Variants in SHISA9 observed in about 807,000 individuals in gnomAD.
SHISA9 encodes protein shisa-9.
A neutral mutation model predicts 38.0 loss-of-function variants in SHISA9; 13 were observed. That is an observed-to-expected ratio of 0.34 (90% CI 0.22 to 0.54). The LOEUF is 0.54. Ranked by LOEUF, SHISA9 falls within the 20% of genes least tolerant of loss-of-function variation. The pLI is 0.91. For synonymous variants in SHISA9, 275 were observed against 242.0 expected (o/e 1.14, Z -1.27); for missense variants, 538 against 575.8 (o/e 0.93, Z 0.67).
At chr16:12,975,650 C>G (rs566435327) in intron 2 of SHISA9, among the ~76,000 whole-genome samples, 12 of 8,168 alleles carry the variant, frequency 1.5e-3, no homozygotes, top group Admixed American at 4.0e-3. Context: ...TGGGGTGGGA[C>G]GGGGGCGGGG....
At chr16:13,187,403 C>T (rs1413491879) in intron 2 of SHISA9, among the ~76,000 whole-genome samples, 2 of 142,770 alleles carry the variant, frequency 1.4e-5, no homozygotes, top group African/African-American at 5.2e-5. Flanking sequence ...GGCACAATCT[C>T]AGCTCACTGC....
At chr16:13,154,403 A>C (rs1479905363) in intron 2 of SHISA9, among the ~76,000 whole-genome samples, 2 of 152,186 alleles carry the variant, frequency 1.3e-5, no homozygotes, top group Admixed American at 6.5e-5. Context: ...AGGTGAGCAG[A>C]AATGTAGCGG....
intron 2 of SHISA9, among the ~76,000 whole-genome samples, chr16:12,951,856 A>C (rs1596546350): frequency 6.6e-6 from 1 of 152,112 alleles, no homozygotes; most frequent in Admixed American, 6.5e-5. Context: ...AGTATGAAAC[A>C]CTCCTGCCTC....
intron 2 of SHISA9, among the ~76,000 whole-genome samples, chr16:13,006,673 A>C (rs1272737071): frequency 1.3e-5 from 2 of 152,234 alleles, no homozygotes; most frequent in African/African-American, 4.8e-5. Context: ...ACTGTATTAG[A>C]CATTGTGACA....
At chr16:13,533,815 G>A in the SHISA9 span, among the ~76,000 whole-genome samples, 2 of 134,156 alleles carry the variant, frequency 1.5e-5, no homozygotes, top group Non-Finnish European at 3.1e-5. Context: ...ACAGAGTCTC[G>A]CTGTATCGCC....
At chr16:12,970,344 CATATATGTGTATATATATATAT>C (rs2072041497) in intron 2 of SHISA9, among the ~76,000 whole-genome samples, 1 of 49,768 alleles carries the variant, frequency 2.0e-5, no homozygotes, top group African/African-American at 7.4e-5. Flanking sequence ...TATATATATA[CATATATGTGTATATATATATAT>C]ATACATATAT....
At chr16:13,340,874 C>T in the SHISA9 span, among the ~76,000 whole-genome samples, 1 of 152,192 alleles carries the variant, frequency 6.6e-6, no homozygotes, top group African/African-American at 2.4e-5. Context: ...ACTCTCCACT[C>T]CACTCTCTTT....
chr16:13,327,037 A>T, the SHISA9 span, among the ~76,000 whole-genome samples: 1 of 152,340 alleles, frequency 6.6e-6, no homozygotes, highest in South Asian at 2.1e-4. Flanking sequence ...TAGGTGTTGA[A>T]CAGTGTGATA....
chr16:13,522,893 C>G, the SHISA9 span, among the ~76,000 whole-genome samples: 51 of 152,132 alleles, frequency 3.4e-4, no homozygotes, highest in Non-Finnish European at 6.9e-4. Flanking sequence ...TGCAATTCAG[C>G]CCCTGTTATA....
At chr16:13,410,174 T>C in the SHISA9 span, among the ~76,000 whole-genome samples, 3,462 of 152,336 alleles carry the variant, frequency 0.023, 136 homozygotes, top group African/African-American at 0.079. Context: ...AACAAAGCTT[T>C]GAAGTTGATT....
At chr16:12,924,803 A>C (rs1321093442) in intron 2 of SHISA9, among the ~76,000 whole-genome samples, 1 of 152,150 alleles carries the variant, frequency 6.6e-6, no homozygotes, top group African/African-American at 2.4e-5. Flanking sequence ...GGGGACACAG[A>C]CTTGAGGGGT....
At chr16:13,464,623 T>G in the SHISA9 span, among the ~76,000 whole-genome samples, 1 of 152,208 alleles carries the variant, frequency 6.6e-6, no homozygotes, top group Non-Finnish European at 1.5e-5. Flanking sequence ...ACCACTGATT[T>G]GCTTTCCCTG....
intron 2 of SHISA9, among the ~76,000 whole-genome samples, chr16:13,104,604 G>A (rs975570196): frequency 2.0e-5 from 3 of 152,130 alleles, no homozygotes; most frequent in African/African-American, 7.2e-5. Context: ...AGATGTATAG[G>A]CTCGTGTTGC....
intron 2 of SHISA9, among the ~76,000 whole-genome samples, chr16:12,952,137 A>G (rs1234564638): frequency 6.6e-6 from 1 of 152,240 alleles, no homozygotes; most frequent in African/African-American, 2.4e-5. Context: ...AGCAATTAAC[A>G]TATAATGCCC....
chr16:13,348,471 T>C, the SHISA9 span, among the ~76,000 whole-genome samples: 1 of 151,970 alleles, frequency 6.6e-6, no homozygotes, highest in Admixed American at 6.6e-5. Flanking sequence ...GCCCTTAATG[T>C]ACGGGTGAGG....
At chr16:12,950,854 C>A (rs1343953339) in intron 2 of SHISA9, among the ~76,000 whole-genome samples, 2 of 151,836 alleles carry the variant, frequency 1.3e-5, no homozygotes, top group Non-Finnish European at 2.9e-5. Context: ...GTGATCCACC[C>A]ACCTCAGCCT....
chr16:13,261,060 C>T, the SHISA9 span, among the ~76,000 whole-genome samples: 1 of 152,082 alleles, frequency 6.6e-6, no homozygotes, highest in South Asian at 2.1e-4. Flanking sequence ...AAGAACTCGC[C>T]CCCATGATTC....
At chr16:13,558,695 T>G in the SHISA9 span, among the ~76,000 whole-genome samples, 1 of 152,178 alleles carries the variant, frequency 6.6e-6, no homozygotes, top group African/African-American at 2.4e-5. Flanking sequence ...ACTTCCACAC[T>G]TTATTTGGGG....
rs550220588 is a variant in SHISA9 at position 13,037,466 on chromosome 16, C to T, written c.691+120651C>T. On this transcript the variant is annotated intron_variant, in intron 2 of 4. Transcript: ENST00000558583. ...TCTAACCAAGGTTGGGGGAGGGGAG[C>T]AGCAGTGAGGGAGAGTGCAAGTTAT... 1.8e-4 allele frequency among the ~76,000 whole-genome samples: 28 copies of T among 152,012 alleles called. No individual in the cohort carries two copies. In the South Asian group the frequency reaches 5.4e-3, roughly 29 times the overall value.
Sources: gnomAD v4.1 joint callset for allele counts (sites outside exome capture counted in the v4.1 genomes callset) on GRCh38, gnomAD v4.1.1 for gene constraint, MANE v1.5 for transcripts, NCBI Gene and HGNC (gene_info 2026-07-23, HGNC 2026-07-21) for gene names.